RORA: variants seen among roughly 807,000 people sequenced by gnomAD.
RORA encodes the protein nuclear receptor ROR-alpha.
RORA carries 7 observed loss-of-function variants against 69.5 expected under a neutral mutation model. The ratio of observed to expected loss-of-function variants is 0.10; its 90% CI spans 0.06 to 0.19. The LOEUF is 0.19. Ranked by LOEUF, RORA falls within the 10% of genes least tolerant of loss-of-function variation. RORA has a pLI of 1.00. For synonymous variants in RORA, 261 were observed against 240.8 expected, an observed-to-expected ratio of 1.08 and a Z score of -0.78; for missense variants, 457 against 663.0, an observed-to-expected ratio of 0.69 and a Z score of 3.41.
chr15:60,793,039 AG>A (rs150984742), intron 1 of RORA, among the ~76,000 whole-genome samples: 142 of 150,790 alleles, frequency 9.4e-4, no homozygotes, highest in African/African-American at 3.4e-3. Context: ...AGAGAGAGAG[AG>A]AAAAAAAAAA....
rs149153191 is a variant in RORA at position 60,737,072 on chromosome 15, C to A, written c.167-58386G>T. 1.2e-4 allele frequency among the ~76,000 whole-genome samples: 18 copies of A among 152,260 alleles called. No individual in the cohort carries two copies. In the East Asian group the frequency reaches 3.1e-3, roughly 26 times the overall value. ...CTTTCAGACCTGAACCCCTGCAGTG[C>A]CTTTATCCTGGACCATTCTGCTACA... On this transcript the variant is annotated intron_variant, in intron 1 of 10. Coordinates refer to ENST00000335670, the MANE Select transcript of RORA (RefSeq NM_134261.3).
At position 60,516,215 on chromosome 15, in the gene RORA, A is replaced by T. The variant is rs1298177256; in HGVS notation, c.283-1458T>A. The stretch of plus-strand genomic sequence containing the variant: ...TATATATTTATATATATATTTATAT[A>T]TATATATTTATATATATATTTATAT... On this transcript the variant is annotated intron_variant, in intron 3 of 10. Transcript: ENST00000335670. 5.5e-4 allele frequency among the ~76,000 whole-genome samples: 6 copies of T among 10,826 alleles called. 1 individual carries two copies. The East Asian group carries it at 9.3e-3, about 17-fold the overall frequency. The allele number at this position is 10,826 out of a possible 152,430, so 7.1% of individuals were successfully genotyped here.
At chr15:60,516,175 A>ATATATATATT (rs1337850530) in intron 3 of RORA, among the ~76,000 whole-genome samples, 1 of 28,292 alleles carries the variant, frequency 3.5e-5, no homozygotes, top group African/African-American at 2.1e-4. Flanking sequence ...ATATATATTT[A>ATATATATATT]TATATATATT....
intron 2 of RORA, among the ~76,000 whole-genome samples, chr15:60,556,615 T>C (rs1484808631): frequency 6.6e-6 from 1 of 152,214 alleles, no homozygotes; most frequent in Non-Finnish European, 1.5e-5. Flanking sequence ...CTGGGGAATG[T>C]GCCTGTGGAC....
intron 2 of RORA, among the ~76,000 whole-genome samples, chr15:60,569,361 C>T (rs111650581): frequency 1.7e-4 from 26 of 151,764 alleles, no homozygotes; most frequent in African/African-American, 6.3e-4. Context: ...CCTAGGAGTT[C>T]CAGGTTACAG....
At chr15:60,848,565 T>C (rs2073291565) in intron 1 of RORA, 1 of 152,246 alleles carries the variant, frequency 6.6e-6, no homozygotes. Flanking sequence ...CTTTCTCACA[T>C]TGCTACAGAG....
chr15:61,194,635 T>C (rs1375098545), intron 1 of RORA, among the ~76,000 whole-genome samples: 2 of 152,016 alleles, frequency 1.3e-5, no homozygotes, highest in African/African-American at 2.4e-5. Context: ...ACAATGGCCA[T>C]TTGTCTATTT....
At chr15:60,688,148 A>G (rs991232404) in intron 1 of RORA, among the ~76,000 whole-genome samples, 2 of 152,182 alleles carry the variant, frequency 1.3e-5, no homozygotes, top group Non-Finnish European at 2.9e-5. Flanking sequence ...GGAAGGCGCT[A>G]CCATCATTAA....
At chr15:60,952,414 C>A (rs954628308) in intron 1 of RORA, among the ~76,000 whole-genome samples, 27 of 152,064 alleles carry the variant, frequency 1.8e-4, no homozygotes, top group African/African-American at 6.5e-4. Context: ...CACTCCTATT[C>A]AACATAGTGT....
At chr15:60,806,741 T>C (rs1198532162) in intron 1 of RORA, among the ~76,000 whole-genome samples, 1 of 152,194 alleles carries the variant, frequency 6.6e-6, no homozygotes, top group Non-Finnish European at 1.5e-5. Context: ...GAGTTAGAAC[T>C]GGAGTCATGG....
At chr15:61,132,779 C>T (rs1372984197) in intron 1 of RORA, among the ~76,000 whole-genome samples, 1 of 152,200 alleles carries the variant, frequency 6.6e-6, no homozygotes, top group African/African-American at 2.4e-5. Context: ...AACTATACTG[C>T]TGGCAGGGGA....
At chr15:60,520,860 C>G (rs961849865) in intron 3 of RORA, among the ~76,000 whole-genome samples, 2 of 152,200 alleles carry the variant, frequency 1.3e-5, no homozygotes, top group African/African-American at 2.4e-5. Context: ...TGTTAAAATA[C>G]ATGGAGATGT....
At chr15:61,191,921 C>T (rs1380430711) in intron 1 of RORA, among the ~76,000 whole-genome samples, 1 of 152,224 alleles carries the variant, frequency 6.6e-6, no homozygotes, top group East Asian at 1.9e-4. Flanking sequence ...ATTCAAGCTT[C>T]GCTTCTCTAA....
intron 1 of RORA, among the ~76,000 whole-genome samples, chr15:61,105,953 T>C (rs2078944776): frequency 6.6e-6 from 1 of 152,176 alleles, no homozygotes; most frequent in East Asian, 1.9e-4. Context: ...TCTACAAAAT[T>C]AGTTGCCAGG....
chr15:60,960,588 C>T (rs1351401253), intron 1 of RORA, among the ~76,000 whole-genome samples: 3 of 152,160 alleles, frequency 2.0e-5, no homozygotes, highest in East Asian at 3.9e-4. Context: ...ATTGCAGACA[C>T]ACCAGTTTCT....
At chr15:60,503,363 C>G (rs1306297715) in intron 7 of RORA, among the ~76,000 whole-genome samples, 172 bp downstream of exon 7, 1 of 152,092 alleles carries the variant, frequency 6.6e-6, no homozygotes, top group Admixed American at 6.5e-5. Flanking sequence ...GGGAATGTTT[C>G]CTGAATATAT....
At chr15:60,806,683 G>A (rs2072664240) in intron 1 of RORA, among the ~76,000 whole-genome samples, 1 of 152,202 alleles carries the variant, frequency 6.6e-6, no homozygotes, top group African/African-American at 2.4e-5. Flanking sequence ...TACAGATGGA[G>A]AAACAACCAA....
At chr15:60,616,023 A>C (rs2069231913) in intron 2 of RORA, among the ~76,000 whole-genome samples, 1 of 152,184 alleles carries the variant, frequency 6.6e-6, no homozygotes, top group Non-Finnish European at 1.5e-5. Context: ...GGAGAAGCAA[A>C]TGCACCTCTA....
intron 1 of RORA, among the ~76,000 whole-genome samples, chr15:60,812,507 G>T (rs113180441): frequency 1.3e-5 from 2 of 152,180 alleles, no homozygotes; most frequent in Middle Eastern, 3.4e-3. Flanking sequence ...GAGGCCCTGT[G>T]TCTAAAAATA....
Sources: gnomAD v4.1 joint callset for allele counts (sites outside exome capture counted in the v4.1 genomes callset) on GRCh38, gnomAD v4.1.1 for gene constraint, MANE v1.5 for transcripts, NCBI Gene and HGNC (gene_info 2026-07-23, HGNC 2026-07-21) for gene names.